The following DMGDH variants were observed in gnomAD, a reference collection of about 807,000 sequenced individuals.
The protein encoded by DMGDH is dimethylglycine dehydrogenase, mitochondrial.
DMGDH carries 76 observed loss-of-function variants against 95.2 expected under a neutral mutation model. That is an observed-to-expected ratio of 0.80 (90% CI 0.66 to 0.97). The LOEUF (loss-of-function observed/expected upper bound fraction) is 0.97. Among genes scored for constraint, DMGDH ranks in the 50% least tolerant of loss-of-function variants. The probability of loss-of-function intolerance (pLI) is 0.00; values close to 1 mark genes in which losing one functional copy is unlikely to be tolerated. For missense variants in DMGDH, 987 were observed against 1,055.0 expected (o/e 0.94, Z 0.89); for synonymous variants, 345 against 377.6 (o/e 0.91, Z 1.00).
In DMGDH at chr5:79,005,487, T is replaced by A. The variant is rs193077377; in HGVS notation, c.2251-80A>T. ...TTAGAGATGCAAGCATTTAAATTTGTCTTTCCTATTTTCTCACCAATTACA... is the reference window on the plus strand; with the variant it reads ...TTAGAGATGCAAGCATTTAAATTTGACTTTCCTATTTTCTCACCAATTACA... On this transcript the variant is annotated intron_variant, in intron 14 of 15. Transcript: ENST00000255189. The A allele has an allele frequency of 1.3e-5, 21 of 1,585,012 alleles. No individual in the cohort carries two copies. The East Asian group carries it at 4.5e-4, about 34-fold the overall frequency.
At chr5:79,012,834 C>T (rs1753668270) in intron 14 of DMGDH, among the ~76,000 whole-genome samples, 1 of 152,254 alleles carries the variant, frequency 6.6e-6, no homozygotes, top group Admixed American at 6.5e-5. Context: ...CAATGCCATG[C>T]AAGGCAGTGG....
intron 14 of DMGDH, among the ~76,000 whole-genome samples, chr5:79,013,877 ATCATTC>A (rs1451139572): frequency 6.6e-6 from 1 of 152,142 alleles, no homozygotes. Context: ...ATGTTGCTAA[ATCATTC>A]ATGAGAAACC....
intron 14 of DMGDH, chr5:79,021,562 C>A (rs1753866941): frequency 7.7e-7 from 1 of 1,292,168 alleles, no homozygotes; most frequent in Non-Finnish European, 1.0e-6. Context: ...CTCCATTGTT[C>A]TTTTCCCTAC....
intron 4 of DMGDH, among the ~76,000 whole-genome samples, chr5:79,052,582 G>A (rs532199084): frequency 6.6e-6 from 1 of 152,300 alleles, no homozygotes; most frequent in East Asian, 1.9e-4. Context: ...GGACCTCGTT[G>A]TAGTAATCCC....
chr5:79,026,781 G>A (rs1249756282), intron 12 of DMGDH, among the ~76,000 whole-genome samples, 200 bp from the exon 13 acceptor site: 2 of 152,102 alleles, frequency 1.3e-5, no homozygotes, highest in African/African-American at 2.4e-5. Context: ...CATTTGTGCC[G>A]ATCCTGACTC....
chr5:79,032,719 C>G lies in DMGDH; in HGVS notation c.1485G>C (p.Trp495Cys). The change falls in exon 9 of 16, where the codon TGG (tryptophan) becomes TGC (cysteine). Residue 495 changes from tryptophan (W) to cysteine (C), a missense_variant. By Grantham distance (215) the Trp-to-Cys change is radical. Coordinates refer to ENST00000255189, the MANE Select transcript of DMGDH (RefSeq NM_013391.3). ...GAGTGTCCTGGCCTGGTTTGTAGAACCAGTGCGGCTGCTCCCAGCCAGCAT... is the reference window on the plus strand; with the variant it reads ...GAGTGTCCTGGCCTGGTTTGTAGAAGCAGTGCGGCTGCTCCCAGCCAGCAT... ...GFHAGWEQPH[W>C]FYKPGQDTQY... 6.2e-7 allele frequency: 1 copy of G among 1,614,186 alleles called. No homozygotes were observed. The highest frequency in any genetic ancestry group is 8.5e-7 in the Non-Finnish European group (1 of 1,180,032).
chr5:79,039,761 C>T (rs1754454392), intron 7 of DMGDH, among the ~76,000 whole-genome samples: 1 of 152,004 alleles, frequency 6.6e-6, no homozygotes, highest in Non-Finnish European at 1.5e-5. Flanking sequence ...CTCCCTACTC[C>T]AACCTCCAGG....
At chr5:79,069,496 T>C (rs1755485066) in intron 1 of DMGDH, 24 bp downstream of exon 1, 2 of 1,244,742 alleles carry the variant, frequency 1.6e-6, no homozygotes, top group South Asian at 3.4e-5. Context: ...CCGTCGCCTC[T>C]GAGCAGGACG....
intron 14 of DMGDH, among the ~76,000 whole-genome samples, chr5:79,010,708 A>G (rs1034691698): frequency 1.3e-5 from 2 of 152,090 alleles, no homozygotes; most frequent in Admixed American, 1.3e-4. Flanking sequence ...AACTTTTGTG[A>G]CTTTTTACAC....
At chr5:79,039,681 C>T (rs907213661) in intron 7 of DMGDH, among the ~76,000 whole-genome samples, 2 of 152,016 alleles carry the variant, frequency 1.3e-5, no homozygotes, top group South Asian at 2.1e-4. Flanking sequence ...ACATTGTGCA[C>T]ATGTACCCTA....
intron 14 of DMGDH, chr5:79,021,590 C>T (rs731124): frequency 0.29 from 378,083 of 1,303,740 alleles, 57,041 homozygotes; most frequent in African/African-American, 0.47. Context: ...CAGGTTTTGA[C>T]AAGAACACGA....
intron 9 of DMGDH, among the ~76,000 whole-genome samples, chr5:79,031,773 A>G (rs1754184747): frequency 6.6e-6 from 1 of 152,226 alleles, no homozygotes; most frequent in South Asian, 2.1e-4. Flanking sequence ...TGAATTTTCA[A>G]TAGTTTAATT....
intron 15 of DMGDH, among the ~76,000 whole-genome samples, chr5:79,003,347 T>C (rs1057000694): frequency 1.3e-5 from 2 of 152,192 alleles, no homozygotes; most frequent in Non-Finnish European, 2.9e-5. Context: ...AGTTAATTAA[T>C]GGCAGAGCTG....
intron 11 of DMGDH, among the ~76,000 whole-genome samples, chr5:79,029,580 T>C (rs1411537917): frequency 6.6e-6 from 1 of 152,244 alleles, no homozygotes; most frequent in African/African-American, 2.4e-5. Context: ...TTTCCTCATC[T>C]GATCATGGGA....
intron 7 of DMGDH, among the ~76,000 whole-genome samples, chr5:79,035,273 G>C (rs1468047793): frequency 6.6e-6 from 1 of 152,078 alleles, no homozygotes; most frequent in Non-Finnish European, 1.5e-5. Context: ...TATAGATCAA[G>C]TACCATTTTT....
At chr5:79,056,780 G>A (rs1336268352) in intron 2 of DMGDH, among the ~76,000 whole-genome samples, 1 of 148,524 alleles carries the variant, frequency 6.7e-6, no homozygotes. Context: ...GCTTGAACCC[G>A]GGAGGCATAG....
intron 2 of DMGDH, among the ~76,000 whole-genome samples, chr5:79,058,587 A>G (rs986481530): frequency 1.3e-5 from 2 of 152,154 alleles, no homozygotes; most frequent in African/African-American, 4.8e-5. Flanking sequence ...GATGCCAGAA[A>G]GGTCACAGAA....
chr5:79,059,944 C>A (rs1755148376), intron 2 of DMGDH, among the ~76,000 whole-genome samples: 1 of 152,154 alleles, frequency 6.6e-6, no homozygotes. Flanking sequence ...TTATTTAAAG[C>A]CCTATTTCTA....
At chr5:79,028,890 G>C (rs1257903305) in intron 11 of DMGDH, among the ~76,000 whole-genome samples, 1 of 152,086 alleles carries the variant, frequency 6.6e-6, no homozygotes, top group Non-Finnish European at 1.5e-5. Flanking sequence ...AGTACAGAAG[G>C]ATCCTTCAAT....
Sources: gnomAD v4.1 joint callset for allele counts (sites outside exome capture counted in the v4.1 genomes callset) on GRCh38, gnomAD v4.1.1 for gene constraint, MANE v1.5 for transcripts, NCBI Gene and HGNC (gene_info 2026-07-23, HGNC 2026-07-21) for gene names.